Variants in MINDY2 observed in about 807,000 individuals in gnomAD.
MINDY2 encodes MINDY lysine 48 deubiquitinase 2, also known as ubiquitin carboxyl-terminal hydrolase MINDY-2.
Under a neutral mutation model 68.2 loss-of-function variants are expected in MINDY2, and 52 were observed. The observed-to-expected ratio is 0.76, with a 90% CI of 0.61 to 0.96. The LOEUF is 0.96. Ranked by LOEUF, MINDY2 falls within the 40% of genes least tolerant of loss-of-function variation. MINDY2 has a pLI of 0.00. For missense variants in MINDY2, 881 were observed against 773.4 expected (o/e 1.14, Z -1.65); for synonymous variants, 372 against 303.0 (o/e 1.23, Z -2.36).
intron 2 of MINDY2, among the ~76,000 whole-genome samples, chr15:58,795,307 T>C (rs1232869001): frequency 6.6e-6 from 1 of 152,224 alleles, no homozygotes; most frequent in Non-Finnish European, 1.5e-5. Context: ...TCAACTTTCT[T>C]TTCGTTATTG....
chr15:58,809,865 C>T (rs2030102190), intron 3 of MINDY2, among the ~76,000 whole-genome samples: 1 of 152,196 alleles, frequency 6.6e-6, no homozygotes. Flanking sequence ...CTGCAACCTA[C>T]ACCTACTGGG....
intron 6 of MINDY2, among the ~76,000 whole-genome samples, chr15:58,838,718 T>G (rs1198073421): frequency 1.3e-5 from 2 of 150,212 alleles, no homozygotes; most frequent in Admixed American, 1.3e-4. Flanking sequence ...TCCCAAGTAG[T>G]TGGGATTACA....
At chr15:58,812,362 G>A (rs1205191439) in intron 4 of MINDY2, among the ~76,000 whole-genome samples, 3 of 150,310 alleles carry the variant, frequency 2.0e-5, no homozygotes, top group Admixed American at 6.6e-5. Context: ...ACTTAAACCC[G>A]GGAGGTGGAG....
intron 3 of MINDY2, 91 bp downstream of exon 3, chr15:58,802,468 G>A (rs1257098027): frequency 9.2e-6 from 7 of 762,234 alleles, no homozygotes; most frequent in Non-Finnish European, 1.5e-5. Context: ...TTTCTATAAA[G>A]GATTAGATAG....
chr15:58,845,478 G>A (rs1027494849), intron 6 of MINDY2, among the ~76,000 whole-genome samples: 2 of 152,166 alleles, frequency 1.3e-5, no homozygotes, highest in African/African-American at 4.8e-5. Flanking sequence ...TCTGAGAAAT[G>A]CAAATCAAAA....
intron 2 of MINDY2, among the ~76,000 whole-genome samples, chr15:58,800,012 TAAA>T (rs1902535836): frequency 1.3e-5 from 2 of 152,230 alleles, no homozygotes; most frequent in African/African-American, 2.4e-5. Flanking sequence ...GTCTTACTTT[TAAA>T]AAATTATTTT....
At chr15:58,823,099 A>G (rs2031168830) in intron 5 of MINDY2, among the ~76,000 whole-genome samples, 1 of 151,314 alleles carries the variant, frequency 6.6e-6, no homozygotes, top group African/African-American at 2.4e-5. Context: ...AAGAAAATGC[A>G]TAGTATTTTA....
intron 6 of MINDY2, among the ~76,000 whole-genome samples, chr15:58,835,097 G>A (rs2031929949): frequency 6.6e-6 from 1 of 151,954 alleles, no homozygotes; most frequent in South Asian, 2.1e-4. Flanking sequence ...ATCATGTCTG[G>A]GTGCTCACTA....
intron 5 of MINDY2, among the ~76,000 whole-genome samples, chr15:58,827,460 A>G (rs570335792): frequency 6.6e-6 from 1 of 152,034 alleles, no homozygotes; most frequent in African/African-American, 2.4e-5. Flanking sequence ...ATATAAACTC[A>G]TGGATTCCTT....
At chr15:58,812,018 G>A (rs1464034134) in intron 4 of MINDY2, among the ~76,000 whole-genome samples, 2 of 152,058 alleles carry the variant, frequency 1.3e-5, no homozygotes, top group African/African-American at 4.8e-5. Context: ...AAAAGACAAA[G>A]GAATCATACC....
At chr15:58,827,829 T>C (rs1234241291) in intron 5 of MINDY2, among the ~76,000 whole-genome samples, 2 of 152,340 alleles carry the variant, frequency 1.3e-5, no homozygotes, top group Middle Eastern at 3.4e-3. Flanking sequence ...GCCAGTGGGA[T>C]GCCCTCAAGT....
At chr15:58,798,512 A>G (rs1194143579) in intron 2 of MINDY2, among the ~76,000 whole-genome samples, 2 of 151,098 alleles carry the variant, frequency 1.3e-5, no homozygotes, top group Admixed American at 6.6e-5. Flanking sequence ...CTATAGTGCA[A>G]TGGCACAATC....
At chr15:58,802,974 A>G (rs1242596667) in intron 3 of MINDY2, among the ~76,000 whole-genome samples, 1 of 152,246 alleles carries the variant, frequency 6.6e-6, no homozygotes, top group Non-Finnish European at 1.5e-5. Context: ...GCAAGAAGGA[A>G]TTGGCTTCTT....
At chr15:58,788,175 A>T (rs1488607595) in intron 2 of MINDY2, among the ~76,000 whole-genome samples, 2 of 152,238 alleles carry the variant, frequency 1.3e-5, no homozygotes, top group Admixed American at 6.5e-5. Context: ...TGTAATACCC[A>T]TAAGGAATCT....
At chr15:58,850,149 A>G (rs1236506828) in intron 7 of MINDY2, among the ~76,000 whole-genome samples, 1 of 152,170 alleles carries the variant, frequency 6.6e-6, no homozygotes, top group Non-Finnish European at 1.5e-5. Flanking sequence ...ACCGACTCTT[A>G]ATAAAGTGGA....
At chr15:58,834,776 A>G (rs1271080207) in intron 6 of MINDY2, among the ~76,000 whole-genome samples, 1 of 152,190 alleles carries the variant, frequency 6.6e-6, no homozygotes, top group South Asian at 2.1e-4. Context: ...ACTTTAGTCA[A>G]TGAATTACAC....
At chr15:58,785,699 CAG>C (rs1308749131) in intron 1 of MINDY2, among the ~76,000 whole-genome samples, 5 of 151,996 alleles carry the variant, frequency 3.3e-5, no homozygotes, top group African/African-American at 1.2e-4. Flanking sequence ...TTTTTTTAAA[CAG>C]AGTCTCACTC....
At chr15:58,791,484 G>T (rs1374820935) in intron 2 of MINDY2, among the ~76,000 whole-genome samples, 3 of 151,316 alleles carry the variant, frequency 2.0e-5, no homozygotes, top group African/African-American at 7.3e-5. Context: ...AGGCGTGATG[G>T]TGTGCACCTG....
chr15:58,821,739 TTGG>T lies in MINDY2; in HGVS notation c.1147_1149del (p.Gly383del). The T allele has an allele frequency of 6.3e-7, 1 of 1,584,718 alleles. No homozygotes were observed. Among genetic ancestry groups the T allele is most frequent in the Non-Finnish European group, 8.5e-7 (1 of 1,170,176 alleles). Reference sequence around the variant, plus strand: ...TAGATTGATGACATTGTAAAAGCTGTTGGTAACTGCAGCTACAACCAACTAGTG... The same window carrying T: ...TAGATTGATGACATTGTAAAAGCTGTTAACTGCAGCTACAACCAACTAGTG... On this transcript the variant is annotated inframe_deletion, in exon 5 of 9. Coordinates refer to ENST00000559228, the MANE Select transcript of MINDY2 (RefSeq NM_001040450.3).
Sources: allele counts gnomAD v4.1 joint callset (sites outside exome capture counted in the v4.1 genomes callset), GRCh38; gene constraint gnomAD v4.1.1; transcripts MANE v1.5; gene names NCBI Gene and HGNC (gene_info 2026-07-23, HGNC 2026-07-21).